The following SCGN variants were observed in gnomAD, a reference collection of about 807,000 sequenced individuals.
SCGN encodes the protein secretagogin.
SCGN carries 30 observed loss-of-function variants against 39.7 expected under a neutral mutation model. The ratio of observed to expected loss-of-function variants is 0.76; its 90% CI spans 0.57 to 1.03. The LOEUF (loss-of-function observed/expected upper bound fraction) is 1.03. Among genes scored for constraint, SCGN ranks in the 50% least tolerant of loss-of-function variants. The pLI is 0.00. For synonymous variants in SCGN, 106 were observed against 114.1 expected (o/e 0.93, Z 0.45); for missense variants, 353 against 349.4 (o/e 1.01, Z -0.08).
intron 10 of SCGN, among the ~76,000 whole-genome samples, chr6:25,695,872 T>C (rs1759830727): frequency 6.6e-6 from 1 of 152,112 alleles, no homozygotes; most frequent in Non-Finnish European, 1.5e-5. Flanking sequence ...CAGAGCAGCA[T>C]AAAAATCAAC....
At chr6:25,675,440 T>A (rs1408978104) in intron 6 of SCGN, among the ~76,000 whole-genome samples, 1 of 152,236 alleles carries the variant, frequency 6.6e-6, no homozygotes, top group East Asian at 1.9e-4. Context: ...TGCCTCTGTA[T>A]CCCTGCTTTC....
At chr6:25,686,014 C>A (rs1759701499) in intron 7 of SCGN, among the ~76,000 whole-genome samples, 1 of 152,170 alleles carries the variant, frequency 6.6e-6, no homozygotes, top group African/African-American at 2.4e-5. Flanking sequence ...CCTTTCCTAT[C>A]TGGCTATTTC....
intron 9 of SCGN, among the ~76,000 whole-genome samples, chr6:25,689,771 G>C (rs1759753018): frequency 6.6e-6 from 1 of 151,518 alleles, no homozygotes; most frequent in South Asian, 2.1e-4. Flanking sequence ...TTGACTCCTT[G>C]GGCCTAAACT....
intron 7 of SCGN, among the ~76,000 whole-genome samples, chr6:25,684,395 C>G (rs1759677422): frequency 6.6e-6 from 1 of 152,152 alleles, no homozygotes; most frequent in Admixed American, 6.5e-5. Context: ...TGTTCAAGTC[C>G]CACAATTGGC....
intron 2 of SCGN, among the ~76,000 whole-genome samples, chr6:25,654,437 C>G (rs1463820086): frequency 6.6e-6 from 1 of 152,188 alleles, no homozygotes; most frequent in Non-Finnish European, 1.5e-5. Flanking sequence ...CTGTCTGTCT[C>G]TCTTTTTTAT....
intron 2 of SCGN, among the ~76,000 whole-genome samples, chr6:25,659,509 C>G (rs1760296035): frequency 2.0e-5 from 3 of 152,188 alleles, no homozygotes; most frequent in African/African-American, 7.2e-5. Flanking sequence ...AGGGTAGTGT[C>G]TCAGATTCTT....
intron 6 of SCGN, among the ~76,000 whole-genome samples, chr6:25,671,602 G>A (rs1328611272): frequency 6.6e-6 from 1 of 152,184 alleles, no homozygotes; most frequent in Non-Finnish European, 1.5e-5. Flanking sequence ...CATGCAAAAT[G>A]GTGTTGGAAA....
chr6:25,668,068 A>C (rs1344912360), intron 4 of SCGN, among the ~76,000 whole-genome samples: 3 of 152,232 alleles, frequency 2.0e-5, no homozygotes, highest in Non-Finnish European at 4.4e-5. Flanking sequence ...TATCAGCATC[A>C]GTGTCAACAC....
At chr6:25,681,109 G>T (rs1201136544) in intron 6 of SCGN, among the ~76,000 whole-genome samples, 1 of 152,182 alleles carries the variant, frequency 6.6e-6, no homozygotes, top group Admixed American at 6.5e-5. Flanking sequence ...AAACCAATCT[G>T]GTCTTTCTAA....
intron 2 of SCGN, among the ~76,000 whole-genome samples, chr6:25,659,118 C>T (rs754646754): frequency 6.6e-6 from 1 of 152,140 alleles, no homozygotes; most frequent in Non-Finnish European, 1.5e-5. Flanking sequence ...TAGCATAATG[C>T]CCAGGAACTT....
intron 6 of SCGN, among the ~76,000 whole-genome samples, chr6:25,674,284 A>C (rs1759538409): frequency 6.6e-6 from 1 of 152,248 alleles, no homozygotes; most frequent in African/African-American, 2.4e-5. Context: ...GAGTTTGATC[A>C]GAAGACAAAA....
chr6:25,685,028 G>A (rs555028461), intron 7 of SCGN, among the ~76,000 whole-genome samples: 1 of 152,236 alleles, frequency 6.6e-6, no homozygotes, highest in South Asian at 2.1e-4. Context: ...CAGAGTCACG[G>A]AGAGATTTGA....
chr6:25,682,825 A>C (rs1428929147), intron 7 of SCGN, among the ~76,000 whole-genome samples: 1 of 152,190 alleles, frequency 6.6e-6, no homozygotes, highest in African/African-American at 2.4e-5. Flanking sequence ...AATGATGAGG[A>C]GGTAACTCGA....
chr6:25,658,352 T>C (rs56034365), intron 2 of SCGN, among the ~76,000 whole-genome samples: 21,765 of 151,998 alleles, frequency 0.14, 1,615 homozygotes, highest in Non-Finnish European at 0.16. Context: ...ATTCATTTTT[T>C]TTTTTAACTA....
chr6:25,656,645 T>C (rs1431938934), intron 2 of SCGN, among the ~76,000 whole-genome samples: 5 of 152,200 alleles, frequency 3.3e-5, no homozygotes, highest in African/African-American at 1.2e-4. Flanking sequence ...TATAGTACCC[T>C]GCTGTAGCCT....
At chr6:25,674,238 G>C (rs954927116) in intron 6 of SCGN, among the ~76,000 whole-genome samples, 1 of 152,208 alleles carries the variant, frequency 6.6e-6, no homozygotes, top group Non-Finnish European at 1.5e-5. Context: ...GCCAAGTGTG[G>C]AGAAAGCTGG....
intron 3 of SCGN, among the ~76,000 whole-genome samples, chr6:25,664,574 A>G (rs1245136555): frequency 6.6e-6 from 1 of 152,114 alleles, no homozygotes; most frequent in African/African-American, 2.4e-5. Context: ...TGCTATTTTT[A>G]TTTTCTGTTA....
intron 6 of SCGN, among the ~76,000 whole-genome samples, chr6:25,681,641 C>T (rs1365031076): frequency 3.9e-5 from 6 of 152,186 alleles, no homozygotes; most frequent in Admixed American, 3.3e-4. Context: ...CAGATGGTCA[C>T]TACTTTGTCA....
At chr6:25,700,281 C>T (rs1759894295) in intron 10 of SCGN, among the ~76,000 whole-genome samples, 1 of 151,054 alleles carries the variant, frequency 6.6e-6, no homozygotes, top group Non-Finnish European at 1.5e-5. Context: ...CAGTAAACCA[C>T]GTGAGATCCA....
Sources: allele counts gnomAD v4.1 joint callset (sites outside exome capture counted in the v4.1 genomes callset), GRCh38; gene constraint gnomAD v4.1.1; transcripts MANE v1.5; gene names NCBI Gene and HGNC (gene_info 2026-07-23, HGNC 2026-07-21).